The following XPNPEP3 variants were observed in gnomAD, a reference collection of about 807,000 sequenced individuals.
The protein encoded by XPNPEP3 is xaa-Pro aminopeptidase 3.
A neutral mutation model predicts 60.0 loss-of-function variants in XPNPEP3; 41 were observed. The observed-to-expected ratio is 0.68, with a 90% confidence interval of 0.53 to 0.89. The LOEUF (loss-of-function observed/expected upper bound fraction) is 0.89, where lower values mean the gene tolerates loss of function less well. XPNPEP3 is among the 40% of genes least tolerant of loss of function. The pLI, the probability that XPNPEP3 is intolerant of heterozygous loss-of-function variation, is 0.00. For synonymous variants in XPNPEP3, 212 were observed against 223.2 expected (o/e 0.95, Z 0.45); for missense variants, 598 against 638.9 (o/e 0.94, Z 0.69).
At chr22:40,916,357 T>C (rs2058196351) in intron 7 of XPNPEP3, among the ~76,000 whole-genome samples, 2 of 150,296 alleles carry the variant, frequency 1.3e-5, no homozygotes, top group African/African-American at 4.9e-5. Flanking sequence ...GACTCTAAAG[T>C]AGCTGTTATA....
intron 1 of XPNPEP3, chr22:40,861,289 C>CT (rs761608341): frequency 6.2e-7 from 1 of 1,614,142 alleles, no homozygotes; most frequent in South Asian, 1.1e-5. Flanking sequence ...CAGCTGCATT[C>CT]TTTTGCAAAG....
At chr22:40,862,839 A>T in intron 1 of XPNPEP3, 1 of 762,288 alleles carries the variant, frequency 1.3e-6, no homozygotes, top group Non-Finnish European at 1.6e-6. Flanking sequence ...TGATAGCAGT[A>T]TTGAACAAAA....
At chr22:40,914,471 CTG>C (rs2058188177) in intron 7 of XPNPEP3, 147 bp downstream of exon 7, 1 of 637,256 alleles carries the variant, frequency 1.6e-6, no homozygotes, top group Non-Finnish European at 2.9e-6. Flanking sequence ...TTTTCTAAGA[CTG>C]TTTTGTTCAT....
At chr22:40,859,496 C>T (rs767197356) in intron 1 of XPNPEP3, 2 of 152,064 alleles carry the variant, frequency 1.3e-5, no homozygotes, top group Non-Finnish European at 2.9e-5. Context: ...TTTACTACCA[C>T]ATGCATGATA....
At chr22:40,904,031 G>A (rs1325130998) in intron 4 of XPNPEP3, among the ~76,000 whole-genome samples, 1 of 152,052 alleles carries the variant, frequency 6.6e-6, no homozygotes, top group African/African-American at 2.4e-5. Flanking sequence ...TGCAAAGAAA[G>A]CCCATTTTAC....
At chr22:40,924,333 A>G (rs2058227098) in intron 8 of XPNPEP3, 29 bp from the exon 9 acceptor site, 2 of 1,613,766 alleles carry the variant, frequency 1.2e-6, no homozygotes, top group Admixed American at 1.7e-5. Flanking sequence ...TCATTGCTCT[A>G]ATGATACTGT....
chr22:40,914,473 GT>G (rs1322299665), intron 7 of XPNPEP3, 149 bp downstream of exon 7: 8 of 521,930 alleles, frequency 1.5e-5, no homozygotes, highest in Non-Finnish European at 2.5e-5. Flanking sequence ...TTCTAAGACT[GT>G]TTTGTTCATC....
intron 8 of XPNPEP3, among the ~76,000 whole-genome samples, chr22:40,923,729 A>G (rs1300074581): frequency 1.3e-5 from 2 of 152,064 alleles, no homozygotes; most frequent in Middle Eastern, 3.2e-3. Context: ...GTACATGACT[A>G]TAATCCCGGC....
chr22:40,872,334 C>G (rs563953313), intron 2 of XPNPEP3, among the ~76,000 whole-genome samples: 9 of 152,090 alleles, frequency 5.9e-5, no homozygotes, highest in Admixed American at 5.9e-4. Context: ...AGGTCTGTAT[C>G]GGTAGAGATG....
chr22:40,880,116 C>T (rs1266934454), intron 2 of XPNPEP3, among the ~76,000 whole-genome samples: 2 of 151,680 alleles, frequency 1.3e-5, no homozygotes, highest in Non-Finnish European at 1.5e-5. Context: ...TTGACCAAGC[C>T]GTTTTTCTCC....
At chr22:40,868,433 G>A (rs2057989329) in intron 1 of XPNPEP3, among the ~76,000 whole-genome samples, 1 of 150,588 alleles carries the variant, frequency 6.6e-6, no homozygotes, top group African/African-American at 2.5e-5. Flanking sequence ...GTGTGCGTGT[G>A]TGTGTGTGTG....
At chr22:40,908,136 C>T (rs1447843141) in intron 5 of XPNPEP3, among the ~76,000 whole-genome samples, 1 of 151,926 alleles carries the variant, frequency 6.6e-6, no homozygotes, top group Non-Finnish European at 1.5e-5. Flanking sequence ...ATCACTTAAA[C>T]CTGGGAGGCA....
chr22:40,888,686 AC>A (rs1174554999), intron 4 of XPNPEP3, among the ~76,000 whole-genome samples: 1 of 151,436 alleles, frequency 6.6e-6, no homozygotes, highest in Non-Finnish European at 1.5e-5. Context: ...ACATAAGTGT[AC>A]AAATATCTTG....
At chr22:40,890,641 C>A (rs569668999) in intron 4 of XPNPEP3, among the ~76,000 whole-genome samples, 1 of 151,568 alleles carries the variant, frequency 6.6e-6, no homozygotes. Context: ...CCAAGGTGGG[C>A]AGATCACTTG....
intron 2 of XPNPEP3, among the ~76,000 whole-genome samples, chr22:40,871,476 T>C (rs1007647717): frequency 6.6e-6 from 1 of 152,236 alleles, no homozygotes; most frequent in African/African-American, 2.4e-5. Context: ...CATGGCAGTA[T>C]GTACTTAATA....
intron 3 of XPNPEP3, among the ~76,000 whole-genome samples, chr22:40,885,595 C>T (rs1260083708): frequency 6.6e-6 from 1 of 152,282 alleles, no homozygotes; most frequent in South Asian, 2.1e-4. Flanking sequence ...CCCATAAAGT[C>T]ATGATCTGAG....
At chr22:40,874,615 A>G (rs1278041110) in intron 2 of XPNPEP3, among the ~76,000 whole-genome samples, 1 of 151,982 alleles carries the variant, frequency 6.6e-6, no homozygotes, top group East Asian at 1.9e-4. Context: ...TTATAGAGAT[A>G]AGGTCTCACT....
At chr22:40,908,906 T>TA (rs771143846) in intron 5 of XPNPEP3, among the ~76,000 whole-genome samples, 4 of 152,088 alleles carry the variant, frequency 2.6e-5, no homozygotes, top group Admixed American at 2.0e-4. Context: ...TTTGTGGGAA[T>TA]AAAAAAGTAT....
At position 40,886,489 on chromosome 22, in the gene XPNPEP3, C is replaced by T. The variant is rs141883800; in HGVS notation, c.766C>T (p.Gln256Ter). 2.7e-5 allele frequency: 43 copies of T among 1,613,824 alleles called. No homozygotes were observed. The highest frequency in any genetic ancestry group is 1.9e-5 in the Non-Finnish European group (22 of 1,179,980). Residue 256 changes from glutamine to a stop codon, truncating the protein, a stop_gained, in exon 4 of 10, where the codon CAG becomes TAG. Transcript: ENST00000357137. LOFTEE classifies it high-confidence loss of function. ...GTCTCCTGCAGAAATTGAACGAATG[C>T]AGATTGCTGGGAAGCTGACATCACA... Reference protein sequence around the residue: ...IKSPAEIERMQIAGKLTSQAF... With the variant: ...IKSPAEIERM
Sources: allele counts gnomAD v4.1 joint callset (sites outside exome capture counted in the v4.1 genomes callset), GRCh38; gene constraint gnomAD v4.1.1; transcripts MANE v1.5; gene names NCBI Gene and HGNC (gene_info 2026-07-23, HGNC 2026-07-21).